Variants in HACD2 observed in about 807,000 individuals in gnomAD.
HACD2 encodes very-long-chain (3R)-3-hydroxyacyl-CoA dehydratase 2.
In HACD2, 15 loss-of-function variants were observed where a neutral mutation model predicts 31.0. The observed-to-expected ratio is 0.48, with a 90% CI of 0.32 to 0.75. The LOEUF is 0.75. HACD2 is among the 30% of genes least tolerant of loss of function. HACD2 has a pLI of 0.03. For missense variants in HACD2, 283 were observed against 313.0 expected (o/e 0.90, Z 0.72); for synonymous variants, 115 against 122.2 (o/e 0.94, Z 0.39).
chr3:123,538,993 G>A (rs2056457543), intron 3 of HACD2, among the ~76,000 whole-genome samples: 1 of 152,040 alleles, frequency 6.6e-6, no homozygotes, highest in African/African-American at 2.4e-5. Context: ...TTAAATTTAA[G>A]GTATTTTTCA....
intron 2 of HACD2, among the ~76,000 whole-genome samples, chr3:123,581,128 G>T (rs1319445981): frequency 6.6e-6 from 1 of 152,120 alleles, no homozygotes; most frequent in South Asian, 2.1e-4. Context: ...CGAGATAAAT[G>T]ATTTTTTCTT....
chr3:123,533,915 T>C (rs763458578), intron 3 of HACD2, among the ~76,000 whole-genome samples: 1 of 152,232 alleles, frequency 6.6e-6, no homozygotes, highest in Non-Finnish European at 1.5e-5. Flanking sequence ...CTGTCAGCAG[T>C]GCAAATCTTT....
In HACD2 at chr3:123,571,720, G is replaced by A. The variant is rs944545278; in HGVS notation, c.274-3940C>T. Among the ~76,000 whole-genome samples the A allele has an allele frequency of 5.3e-5, 8 of 152,072 alleles. 1 individual carries two copies. The South Asian group carries it at 6.2e-4, about 12-fold the overall frequency. On this transcript the variant is annotated intron_variant, in intron 2 of 6. Transcript: ENST00000383657. ...TTGATTTCAATCTTATGAGACCCCC[G>A]AGCAAAGAACCCAGTCAAGCCCAGC...
intron 4 of HACD2, among the ~76,000 whole-genome samples, chr3:123,509,125 ACTT>A (rs532308287): frequency 3.7e-4 from 56 of 152,260 alleles, no homozygotes; most frequent in African/African-American, 1.2e-3. Context: ...GTGTTGGCAA[ACTT>A]CTTCTGTACA....
intron 4 of HACD2, among the ~76,000 whole-genome samples, chr3:123,523,122 A>G (rs1480388332): frequency 6.6e-6 from 1 of 152,200 alleles, no homozygotes; most frequent in Non-Finnish European, 1.5e-5. Flanking sequence ...AGAGGCAGGA[A>G]GAACACGAGC....
chr3:123,570,767 A>G (rs2056845802), intron 2 of HACD2, among the ~76,000 whole-genome samples: 1 of 152,220 alleles, frequency 6.6e-6, no homozygotes, highest in Non-Finnish European at 1.5e-5. Flanking sequence ...TAAATGGTGC[A>G]ACAAGGAATA....
At chr3:123,583,064 A>G (rs939294167) in intron 1 of HACD2, among the ~76,000 whole-genome samples, 1 of 152,246 alleles carries the variant, frequency 6.6e-6, no homozygotes, top group African/African-American at 2.4e-5. Context: ...GGATTTAGAT[A>G]AATGTATAGT....
chr3:123,568,520 G>A (rs1260528211), intron 2 of HACD2, among the ~76,000 whole-genome samples: 1 of 152,134 alleles, frequency 6.6e-6, no homozygotes, highest in Non-Finnish European at 1.5e-5. Flanking sequence ...TCCTGCTGGC[G>A]ATTCTGGGGT....
intron 4 of HACD2, among the ~76,000 whole-genome samples, chr3:123,512,010 A>G (rs2107690422): frequency 6.6e-6 from 1 of 152,304 alleles, no homozygotes. Context: ...GAGTGGAAGC[A>G]GCATGAGGCC....
At chr3:123,572,995 T>C (rs1441118548) in intron 2 of HACD2, among the ~76,000 whole-genome samples, 1 of 152,172 alleles carries the variant, frequency 6.6e-6, no homozygotes. Context: ...AATAGAGATG[T>C]AGCTGCTAAG....
intron 2 of HACD2, among the ~76,000 whole-genome samples, chr3:123,574,746 T>G (rs2056891018): frequency 6.6e-6 from 1 of 152,102 alleles, no homozygotes; most frequent in Non-Finnish European, 1.5e-5. Context: ...TACTCCCCCC[T>G]TGCCCCAAAA....
chr3:123,549,701 T>C (rs1254654465), intron 3 of HACD2, among the ~76,000 whole-genome samples: 1 of 152,098 alleles, frequency 6.6e-6, no homozygotes, highest in Non-Finnish European at 1.5e-5. Flanking sequence ...TGAGCTGTGA[T>C]CACACCACTG....
chr3:123,543,356 T>G (rs1478309815), intron 3 of HACD2, among the ~76,000 whole-genome samples: 1 of 152,188 alleles, frequency 6.6e-6, no homozygotes, highest in African/African-American at 2.4e-5. Context: ...TTCACTGGTC[T>G]TCTTTAGAGG....
At chr3:123,559,307 A>G (rs1397681788) in intron 3 of HACD2, among the ~76,000 whole-genome samples, 1 of 152,190 alleles carries the variant, frequency 6.6e-6, no homozygotes, top group Non-Finnish European at 1.5e-5. Context: ...TCCTCTCTCA[A>G]TTCTGTATTC....
At chr3:123,544,885 G>A (rs897588852) in intron 3 of HACD2, among the ~76,000 whole-genome samples, 13 of 151,584 alleles carry the variant, frequency 8.6e-5, no homozygotes, top group African/African-American at 3.2e-4. Context: ...ACCAGTCTGG[G>A]GAACATGGCA....
chr3:123,522,652 A>C (rs2056231265), intron 4 of HACD2, among the ~76,000 whole-genome samples: 1 of 124,492 alleles, frequency 8.0e-6, no homozygotes, highest in East Asian at 2.3e-4. Context: ...TTAACAATCA[A>C]ATAAGGAGAC....
At chr3:123,527,544 A>C (rs2056299245) in intron 4 of HACD2, among the ~76,000 whole-genome samples, 2 of 152,348 alleles carry the variant, frequency 1.3e-5, no homozygotes, top group South Asian at 4.1e-4. Context: ...ATTTAAAAAC[A>C]GCCCCAAAAT....
intron 4 of HACD2, among the ~76,000 whole-genome samples, chr3:123,525,554 T>C (rs2056270374): frequency 6.6e-6 from 1 of 152,132 alleles, no homozygotes; most frequent in Admixed American, 6.5e-5. Context: ...AAGTAGAGTC[T>C]AGTCTGAAAA....
chr3:123,573,422 G>T (rs1027443789), intron 2 of HACD2, among the ~76,000 whole-genome samples: 7 of 152,158 alleles, frequency 4.6e-5, no homozygotes, highest in Admixed American at 1.3e-4. Context: ...CCTCTGGAAA[G>T]GATGACTCAT....
Sources: allele counts gnomAD v4.1 joint callset (sites outside exome capture counted in the v4.1 genomes callset), GRCh38; gene constraint gnomAD v4.1.1; transcripts MANE v1.5; gene names NCBI Gene and HGNC (gene_info 2026-07-23, HGNC 2026-07-21).